The following HCN4 variants were observed in gnomAD, a reference collection of about 807,000 sequenced individuals.
The protein encoded by HCN4 is potassium/sodium hyperpolarization-activated cyclic nucleotide-gated channel 4.
HCN4 carries 29 observed loss-of-function variants against 76.9 expected under a neutral mutation model. The ratio of observed to expected loss-of-function variants is 0.38; its 90% confidence interval spans 0.28 to 0.51. The LOEUF is 0.51. HCN4 is among the 20% of genes least tolerant of loss of function. HCN4 has a pLI of 0.90. For missense variants in HCN4, 1,416 were observed against 1,715.2 expected (o/e 0.83, Z 3.08); for synonymous variants, 772 against 762.5 (o/e 1.01, Z -0.21).
intron 6 of HCN4, 85 bp from the exon 7 acceptor site, chr15:73,324,338 G>T: frequency 6.8e-7 from 1 of 1,460,208 alleles, no homozygotes; most frequent in Non-Finnish European, 9.4e-7. Flanking sequence ...GGCCCTGACT[G>T]CCTGGCACAG....
At chr15:73,330,232 G>A (rs562063131) in intron 3 of HCN4, among the ~76,000 whole-genome samples, 5 of 152,238 alleles carry the variant, frequency 3.3e-5, no homozygotes, top group Non-Finnish European at 7.3e-5. Flanking sequence ...CCCTTGGGGG[G>A]ACAAGCTCTG....
chr15:73,323,129 A>T lies in HCN4; in HGVS notation c.2964T>A (p.Thr988=). Residue 988 remains threonine, a synonymous_variant, in exon 8 of 8, where the codon ACT becomes ACA. Transcript: ENST00000261917. ...PPGELSLGLA[T]GPLSTPETPP... ...GTGTCTCTGGCGTGCTCAGTGGGCC[A>T]GTGGCCAGACCTAGGGACAACTCCC... 1 of 1,593,354 alleles carries T rather than the reference A, an allele frequency of 6.3e-7. No homozygotes were observed.
intron 1 of HCN4, among the ~76,000 whole-genome samples, chr15:73,353,062 G>A (rs11630240): frequency 0.074 from 11,209 of 151,222 alleles, 465 homozygotes; most frequent in Middle Eastern, 0.086. Context: ...GGACGGACGG[G>A]AGACTGTTGC....
chr15:73,326,112 G>A (rs2042897761), intron 4 of HCN4, among the ~76,000 whole-genome samples: 2 of 152,082 alleles, frequency 1.3e-5, no homozygotes, highest in South Asian at 2.1e-4. Flanking sequence ...GATCCTGCCC[G>A]CCCTCACTGA....
chr15:73,359,197 G>A (rs2043094186), intron 1 of HCN4, among the ~76,000 whole-genome samples: 1 of 152,210 alleles, frequency 6.6e-6, no homozygotes, highest in African/African-American at 2.4e-5. Flanking sequence ...GCAATTTGTG[G>A]TAGCCCAGAG....
At position 73,368,026 on chromosome 15, in the gene HCN4, C is replaced by G; in HGVS notation, c.245G>C (p.Arg82Pro). The change falls in exon 1 of 8, where the codon CGC (arginine) becomes CCC (proline). Residue 82 changes from arginine (R) to proline (P), a missense_variant. Transcript: ENST00000261917. This position sits in a 1 kb window ranked among gnomAD's most constrained non-coding sequence, Gnocchi z 6.9. ...LGAADSEGPA[R>P]GAGKSSTNGD... ...GTTCGTGCTGGACTTGCCCGCGCCG[C>G]GGGCCGGCCCTTCGCTGTCCGCTGC... 1.4e-6 allele frequency: 2 copies of G among 1,422,860 alleles called. No individual in the cohort carries two copies. The highest frequency in any genetic ancestry group is 3.0e-5 in the Admixed American group (1 of 33,174). 88.1% of individuals were successfully genotyped at this position (1,422,860 alleles called of 1,614,324 possible).
At chr15:73,340,378 G>A (rs879707052) in intron 2 of HCN4, among the ~76,000 whole-genome samples, 1 of 152,126 alleles carries the variant, frequency 6.6e-6, no homozygotes, top group African/African-American at 2.4e-5. Flanking sequence ...AAGAGCTGGC[G>A]TGTCTCTGCT....
At chr15:73,335,994 C>T (rs536464197) in intron 2 of HCN4, among the ~76,000 whole-genome samples, 2 of 152,106 alleles carry the variant, frequency 1.3e-5, no homozygotes, top group Admixed American at 6.5e-5. Context: ...CTTGCTTGCC[C>T]AGAGCTCATA....
chr15:73,323,363 G>A lies in HCN4; in HGVS notation c.2730C>T (p.Phe910=). 1 of 1,578,888 alleles carries A rather than the reference G, an allele frequency of 6.3e-7. No homozygotes were observed. The highest frequency in any genetic ancestry group is 2.3e-5 in the East Asian group (1 of 42,958). Residue 910 remains phenylalanine, a synonymous_variant, in exon 8 of 8, where the codon TTC becomes TTT. Coordinates refer to ENST00000261917, the MANE Select transcript of HCN4 (RefSeq NM_005477.3). ...AATTIAGFGH[F]HKALGGSLSS... The stretch of plus-strand genomic sequence containing the variant: ...ACAGGGAGCCACCCAGCGCCTTGTG[G>A]AAGTGGCCAAACCCGGCTATGGTGG...
intron 1 of HCN4, among the ~76,000 whole-genome samples, chr15:73,352,260 C>T (rs980736847): frequency 6.7e-6 from 1 of 148,886 alleles, no homozygotes; most frequent in African/African-American, 2.6e-5. Flanking sequence ...CTCAGGAGTG[C>T]GTGCCAAAGG....
At chr15:73,341,554 G>A (rs1039338184) in intron 2 of HCN4, among the ~76,000 whole-genome samples, 4 of 152,188 alleles carry the variant, frequency 2.6e-5, no homozygotes, top group African/African-American at 9.7e-5. Flanking sequence ...GGCACAGAGA[G>A]GCAAAGTGGA....
intron 1 of HCN4, among the ~76,000 whole-genome samples, chr15:73,363,240 G>A (rs553202673): frequency 2.6e-5 from 4 of 152,342 alleles, no homozygotes; most frequent in Non-Finnish European, 5.9e-5. Context: ...TCAGGCTGCT[G>A]CCTCTTCCTC....
Position 73,323,250 on chromosome 15 carries a change from G to T in HCN4, c.2843C>A (p.Ala948Asp). 2 of 1,524,172 alleles carry T rather than the reference G, an allele frequency of 1.3e-6. No homozygotes were observed. The highest frequency in any genetic ancestry group is 2.1e-5 in the Admixed American group (1 of 48,568). The allele number at this position is 1,524,172 out of a possible 1,614,324, so 94.4% of individuals were successfully genotyped here. ...CTCCGGGAGTCCCAGGCCTCCCCGGGCCCCGGGTGGCGCGGGAGATGGCTG... is the reference window on the plus strand; with the variant it reads ...CTCCGGGAGTCCCAGGCCTCCCCGGTCCCCGGGTGGCGCGGGAGATGGCTG... ...AAQPSPAPPGARGGLGLPEHF... is the reference protein window; with the variant it reads ...AAQPSPAPPGDRGGLGLPEHF... The change falls in exon 8 of 8, where the codon GCC becomes GAC. Residue 948 changes from alanine (A) to aspartate (D), a missense_variant. Physicochemically the swap from Ala to Asp is moderately radical, Grantham distance 126 (BLOSUM62 -2). Transcript: ENST00000261917.
At chr15:73,351,932 G>A (rs962930270) in intron 1 of HCN4, among the ~76,000 whole-genome samples, 5 of 152,132 alleles carry the variant, frequency 3.3e-5, no homozygotes, top group African/African-American at 1.2e-4. Context: ...CCCACATGCT[G>A]TCATCTCTGC....
At chr15:73,336,025 C>A (rs775621083) in intron 2 of HCN4, among the ~76,000 whole-genome samples, 1 of 152,072 alleles carries the variant, frequency 6.6e-6, no homozygotes, top group East Asian at 1.9e-4. Flanking sequence ...GGAAGGAAGC[C>A]GCACCCAGGA....
At chr15:73,356,338 C>T (rs558189205) in intron 1 of HCN4, among the ~76,000 whole-genome samples, 3 of 150,582 alleles carry the variant, frequency 2.0e-5, no homozygotes, top group South Asian at 2.1e-4. Flanking sequence ...CAGGCACACA[C>T]TACCATGCCC....
At chr15:73,342,014 G>A (rs1662836400) in intron 2 of HCN4, among the ~76,000 whole-genome samples, 1 of 152,214 alleles carries the variant, frequency 6.6e-6, no homozygotes, top group African/African-American at 2.4e-5. Context: ...GATGGAGCGG[G>A]AAATGGCCCT....
At chr15:73,333,687 G>A (rs966125110) in intron 2 of HCN4, among the ~76,000 whole-genome samples, 4 of 152,200 alleles carry the variant, frequency 2.6e-5, no homozygotes. Flanking sequence ...GGTTCATGGG[G>A]TCCGGTAGCT....
rs932684055 is a variant in HCN4 at position 73,343,296 on chromosome 15, A to G, written c.1209+89T>C. 2.1e-5 allele frequency: 27 copies of G among 1,277,270 alleles called. 1 individual carries two copies. The highest frequency in any genetic ancestry group is 2.8e-5 in the Non-Finnish European group (25 of 892,448). The allele number at this position is 1,277,270 out of a possible 1,614,324, so 79.1% of individuals were successfully genotyped here. A position where few individuals can be genotyped will look rare whatever the true frequency, so the allele number is the denominator to read the frequency against. On this transcript the variant is annotated intron_variant, in intron 2 of 7. Transcript: ENST00000261917. This position sits in a 1 kb window ranked among gnomAD's most constrained non-coding sequence, Gnocchi z 5.7. ...TGTGCCTGCCACAATCTGACAGCCTATGTTCAATTATCTGAGGTTCCCTGC... is the reference window on the plus strand; with the variant it reads ...TGTGCCTGCCACAATCTGACAGCCTGTGTTCAATTATCTGAGGTTCCCTGC...
Sources: gnomAD v4.1 joint callset for allele counts (sites outside exome capture counted in the v4.1 genomes callset) on GRCh38, gnomAD v4.1.1 for gene constraint, Gnocchi (gnomAD v3.1) non-coding constraint, MANE v1.5 for transcripts, NCBI Gene and HGNC (gene_info 2026-07-23, HGNC 2026-07-21) for gene names.